Variants in CCDC171 observed in about 807,000 individuals in gnomAD.
CCDC171 encodes the protein coiled-coil domain-containing protein 171.
A neutral mutation model predicts 168.2 loss-of-function variants in CCDC171; 177 were observed. That is an observed-to-expected ratio of 1.05 (90% CI 0.93 to 1.19). CCDC171 has a LOEUF of 1.19. CCDC171 is among the 50% of genes most tolerant of loss of function. The pLI, the probability that CCDC171 is intolerant of heterozygous loss-of-function variation, is 0.00. For missense variants in CCDC171, 1,991 were observed against 1,539.0 expected, an observed-to-expected ratio of 1.29 and a Z score of -4.91; for synonymous variants, 687 against 540.8, an observed-to-expected ratio of 1.27 and a Z score of -3.75.
rs144933214 is a variant in CCDC171 at position 15,987,230 on chromosome 9, A to G, written n.369-33359A>G. Among the ~76,000 whole-genome samples the G allele has an allele frequency of 1.5e-3, 225 of 152,300 alleles. 2 individuals carry two copies. The highest frequency in any genetic ancestry group is 5.0e-3 in the African/African-American group (208 of 41,576). On this transcript the variant is annotated intron_variant and non_coding_transcript_variant, in intron 3 of 9. Transcript: ENST00000486641. ...AAAGTAGAGAAAAAATTTGTAACACACATATAAGAAAATGAACTAATTTCT... is the reference window on the plus strand; with the variant it reads ...AAAGTAGAGAAAAAATTTGTAACACGCATATAAGAAAATGAACTAATTTCT...
At chr9:15,640,183 T>C (rs1230835794) in intron 7 of CCDC171, among the ~76,000 whole-genome samples, 1 of 152,196 alleles carries the variant, frequency 6.6e-6, no homozygotes, top group Non-Finnish European at 1.5e-5. Context: ...GGATTGAATA[T>C]AAATGTAAAA....
intron 18 of CCDC171, among the ~76,000 whole-genome samples, chr9:15,766,607 C>G (rs1301585877): frequency 6.6e-6 from 1 of 151,782 alleles, no homozygotes; most frequent in African/African-American, 2.4e-5. Context: ...TGGTAAGGGC[C>G]AACTCTTCCT....
chr9:15,600,942 G>A (rs923008301), intron 6 of CCDC171, among the ~76,000 whole-genome samples: 2 of 152,172 alleles, frequency 1.3e-5, no homozygotes, highest in East Asian at 1.9e-4. Flanking sequence ...AGCCAAGCGC[G>A]GGATACAATC....
At chr9:15,738,093 T>A (rs888150761) in intron 16 of CCDC171, among the ~76,000 whole-genome samples, 5 of 152,362 alleles carry the variant, frequency 3.3e-5, no homozygotes, top group East Asian at 1.9e-4. Flanking sequence ...GATGTCTATA[T>A]GCCATTGAAT....
intron 8 of CCDC171, among the ~76,000 whole-genome samples, chr9:15,659,804 T>C (rs897733711): frequency 8.6e-5 from 13 of 152,038 alleles, no homozygotes; most frequent in African/African-American, 3.1e-4. Context: ...AAAACTAGTT[T>C]AGACTAAAAA....
At position 15,936,170 on chromosome 9, in the gene CCDC171, G is replaced by T. The variant is rs191841413; in HGVS notation, c.3753+15748G>T. On this transcript the variant is annotated intron_variant, in intron 25 of 25. Transcript: ENST00000380701. ...CAGCACTGTTATATAAACAGACCCA[G>T]ATGAAGGTCCCTGCTAGAAGCCAAG... 7.4e-4 allele frequency among the ~76,000 whole-genome samples: 113 copies of T among 152,180 alleles called. 1 individual carries two copies. Among genetic ancestry groups the T allele is most frequent in the Non-Finnish European group, 7.4e-4 (50 of 67,972 alleles).
intron 23 of CCDC171, among the ~76,000 whole-genome samples, chr9:15,870,832 C>T (rs907480614): frequency 2.7e-5 from 4 of 149,080 alleles, no homozygotes; most frequent in Non-Finnish European, 6.0e-5. Flanking sequence ...AATTAGAAAA[C>T]ATTGTTTACT....
At chr9:15,753,610 A>G (rs543491135) in intron 18 of CCDC171, among the ~76,000 whole-genome samples, 28 of 152,242 alleles carry the variant, frequency 1.8e-4, no homozygotes, top group African/African-American at 5.5e-4. Context: ...ATGCATAGGT[A>G]AGATTTATCA....
At chr9:16,093,875 T>C in the CCDC171 span, among the ~76,000 whole-genome samples, 2 of 152,096 alleles carry the variant, frequency 1.3e-5, no homozygotes, top group Admixed American at 6.5e-5. Flanking sequence ...TATAGTAATA[T>C]AGGAAATATA....
At chr9:16,016,890 A>G (rs976243832) in intron 3 of CCDC171, among the ~76,000 whole-genome samples, 10 of 152,206 alleles carry the variant, frequency 6.6e-5, no homozygotes, top group African/African-American at 2.2e-4. Context: ...ACTGCCTAGC[A>G]ATCTAAAATG....
intron 25 of CCDC171, among the ~76,000 whole-genome samples, chr9:15,959,179 G>C (rs1392049953): frequency 6.6e-6 from 1 of 152,130 alleles, no homozygotes; most frequent in Non-Finnish European, 1.5e-5. Flanking sequence ...ATAGCTTTGT[G>C]TTTTATCTGC....
chr9:15,755,264 T>A (rs1382002866), intron 18 of CCDC171, among the ~76,000 whole-genome samples: 1 of 152,144 alleles, frequency 6.6e-6, no homozygotes, highest in Non-Finnish European at 1.5e-5. Context: ...GGCATTAGGA[T>A]TGTGTTTTTG....
chr9:16,065,254 G>C (rs1038477845), downstream of CCDC171, among the ~76,000 whole-genome samples: 1 of 152,180 alleles, frequency 6.6e-6, no homozygotes, highest in African/African-American at 2.4e-5. Flanking sequence ...TCTAGTGACA[G>C]CTTATCACAT....
At chr9:15,734,320 T>C (rs977168673) in intron 16 of CCDC171, among the ~76,000 whole-genome samples, 19 of 152,044 alleles carry the variant, frequency 1.2e-4, no homozygotes, top group Non-Finnish European at 2.5e-4. Context: ...TGGATCACCT[T>C]GAGGTCAGAA....
intron 7 of CCDC171, among the ~76,000 whole-genome samples, chr9:15,628,046 A>T (rs1488318692): frequency 6.6e-6 from 1 of 151,982 alleles, no homozygotes; most frequent in African/African-American, 2.4e-5. Context: ...CTGGGGAGGG[A>T]GCCAAGATGG....
intron 6 of CCDC171, among the ~76,000 whole-genome samples, chr9:16,028,134 T>G (rs1021107306): frequency 5.9e-5 from 9 of 152,180 alleles, no homozygotes; most frequent in Non-Finnish European, 1.2e-4. Context: ...CCATGAGTCT[T>G]GGTCTGATTG....
intron 16 of CCDC171, among the ~76,000 whole-genome samples, chr9:15,741,539 A>G (rs2054880705): frequency 6.6e-6 from 1 of 152,038 alleles, no homozygotes. Flanking sequence ...TCTGTTAGGC[A>G]TTTGTGTTTT....
In CCDC171 at chr9:15,617,514, C is replaced by G. The variant is rs181521863; in HGVS notation, c.676-5753C>G. On this transcript the variant is annotated intron_variant, in intron 6 of 25. Transcript: ENST00000380701. ...GCCTCAGCCTCCCAAGTAGCTGGGA[C>G]TACAGGTGCACGCCACCACACCCGG... Among the ~76,000 whole-genome samples the G allele has an allele frequency of 3.6e-3, 550 of 151,796 alleles. 2 individuals are homozygous for G. Among genetic ancestry groups the G allele is most frequent in the Middle Eastern group, 0.01 (3 of 294 alleles).
chr9:15,833,815 A>G (rs1221608731), intron 21 of CCDC171, among the ~76,000 whole-genome samples: 1 of 152,350 alleles, frequency 6.6e-6, no homozygotes, highest in Middle Eastern at 3.4e-3. Context: ...TTAAAAATAA[A>G]TATTATTACC....
Sources: gnomAD v4.1 joint callset for allele counts (sites outside exome capture counted in the v4.1 genomes callset) on GRCh38, gnomAD v4.1.1 for gene constraint, MANE v1.5 for transcripts, NCBI Gene and HGNC (gene_info 2026-07-23, HGNC 2026-07-21) for gene names.